Variants in MRPL48 observed in about 807,000 individuals in gnomAD.
The protein encoded by MRPL48 is mitochondrial ribosomal protein L48.
In MRPL48, 16 loss-of-function variants were observed where a neutral mutation model predicts 32.9. That is an observed-to-expected ratio of 0.49 (90% confidence interval 0.33 to 0.74). The LOEUF is 0.74. Among genes scored for constraint, MRPL48 ranks in the 30% least tolerant of loss-of-function variants. The probability of loss-of-function intolerance (pLI) is 0.02; values close to 1 mark genes in which losing one functional copy is unlikely to be tolerated. For synonymous variants in MRPL48, 94 were observed against 89.2 expected, an observed-to-expected ratio of 1.05 and a Z score of -0.31; for missense variants, 206 against 245.3, an observed-to-expected ratio of 0.84 and a Z score of 1.07.
chr11:73,792,775 G>A (rs1425262365), intron 1 of MRPL48, among the ~76,000 whole-genome samples: 1 of 152,162 alleles, frequency 6.6e-6, no homozygotes, highest in Non-Finnish European at 1.5e-5. Flanking sequence ...GGTACATATT[G>A]TTTCACAAAT....
In MRPL48 at chr11:73,836,343, T is replaced by C. The variant is rs575915247; in HGVS notation, c.202-8464T>C. 1.4e-4 allele frequency among the ~76,000 whole-genome samples: 22 copies of C among 152,034 alleles called. No homozygotes were observed. In the South Asian group the frequency reaches 4.6e-3, roughly 32 times the overall value. On this transcript the variant is annotated intron_variant, in intron 4 of 7. Coordinates refer to ENST00000310614, the MANE Select transcript of MRPL48 (RefSeq NM_016055.6). ...CCCAAGTAGATGGGATTACAGTCAC[T>C]CACCACCACATGCCCAGCTAATTTT...
chr11:73,849,035 T>A (rs1948344302), intron 5 of MRPL48, among the ~76,000 whole-genome samples: 1 of 152,178 alleles, frequency 6.6e-6, no homozygotes, highest in Admixed American at 6.5e-5. Context: ...TTGCCCAGGC[T>A]GGTCTCGGAC....
rs532931930 is a variant in MRPL48 at position 73,858,158 on chromosome 11, C to G, written c.372-1749C>G. On this transcript the variant is annotated intron_variant, in intron 5 of 7. Transcript: ENST00000310614. ...TCCATAAGAAGTCTATGATTGTATC[C>G]CCATTTTTTTATGTTGGAAAGTTAT... 7.9e-5 allele frequency among the ~76,000 whole-genome samples: 12 copies of G among 152,150 alleles called. 1 individual carries two copies. In the East Asian group the frequency reaches 2.3e-3, roughly 29 times the overall value.
At chr11:73,862,991 C>G (rs949939948) in intron 6 of MRPL48, among the ~76,000 whole-genome samples, 181 bp from the exon 7 acceptor site, 2 of 152,198 alleles carry the variant, frequency 1.3e-5, no homozygotes, top group African/African-American at 4.8e-5. Context: ...ATCTCAGCAC[C>G]TTGGCAGATG....
intron 3 of MRPL48, among the ~76,000 whole-genome samples, chr11:73,814,206 C>T (rs1200199897): frequency 6.6e-6 from 1 of 151,010 alleles, no homozygotes; most frequent in Non-Finnish European, 1.5e-5. Flanking sequence ...TCCTGGACAA[C>T]ATAGGGAGAC....
chr11:73,850,498 C>T (rs1948369151), intron 5 of MRPL48: 1 of 345,304 alleles, frequency 2.9e-6, no homozygotes, highest in Non-Finnish European at 5.5e-6. Context: ...GAATTTGACA[C>T]CGTTTATTAA....
chr11:73,798,914 C>T (rs533511931), intron 1 of MRPL48, among the ~76,000 whole-genome samples: 22 of 151,312 alleles, frequency 1.5e-4, no homozygotes, highest in African/African-American at 4.4e-4. Flanking sequence ...TCGCTTGAAC[C>T]TGAGAGGCGG....
chr11:73,818,506 A>G (rs1028263336), intron 3 of MRPL48, among the ~76,000 whole-genome samples: 3 of 152,204 alleles, frequency 2.0e-5, no homozygotes, highest in African/African-American at 7.2e-5. Context: ...GCAGGGACAA[A>G]TCATTGCAGA....
intron 3 of MRPL48, among the ~76,000 whole-genome samples, chr11:73,809,273 C>T (rs1670548): frequency 0.086 from 13,082 of 151,928 alleles, 745 homozygotes; most frequent in African/African-American, 0.17. Flanking sequence ...TTTGGGAGGC[C>T]GAGGAGGGCG....
intron 1 of MRPL48, among the ~76,000 whole-genome samples, chr11:73,800,816 T>C (rs1056353752): frequency 8.0e-5 from 11 of 137,486 alleles, no homozygotes; most frequent in African/African-American, 1.5e-4. Flanking sequence ...TTTTCTTTTT[T>C]TTTTTTTTTT....
chr11:73,862,272 AT>A (rs1948596569), intron 6 of MRPL48, among the ~76,000 whole-genome samples: 1 of 152,162 alleles, frequency 6.6e-6, no homozygotes, highest in African/African-American at 2.4e-5. Context: ...AAAATACAAA[AT>A]TAGCCAGGCG....
chr11:73,849,037 G>A lies in MRPL48; in HGVS notation c.371+4061G>A, dbSNP rs1948344344. 3.9e-5 allele frequency among the ~76,000 whole-genome samples: 6 copies of A among 152,150 alleles called. No individual in the cohort carries two copies. The South Asian group carries it at 1.2e-3, about 31-fold the overall frequency. ...GGGGTTTGCCATGTTGCCCAGGCTG[G>A]TCTCGGACTCCTGAAGTCAGGCAAT... On this transcript the variant is annotated intron_variant, in intron 5 of 7. Coordinates refer to ENST00000310614, the MANE Select transcript of MRPL48 (RefSeq NM_016055.6).
At chr11:73,788,662 C>T (rs1249305574) in intron 1 of MRPL48, among the ~76,000 whole-genome samples, 4 of 151,682 alleles carry the variant, frequency 2.6e-5, no homozygotes, top group Non-Finnish European at 4.4e-5. Flanking sequence ...TTAGTAGAGA[C>T]GGGGTTTCAC....
At chr11:73,804,899 C>G in intron 1 of MRPL48, 128 bp from the exon 2 acceptor site, 1 of 726,436 alleles carries the variant, frequency 1.4e-6, no homozygotes, top group Non-Finnish European at 2.2e-6. Flanking sequence ...AGGGTAGCTT[C>G]TTTGTTAGAT....
intron 5 of MRPL48, among the ~76,000 whole-genome samples, chr11:73,854,664 G>T (rs1310558229): frequency 3.9e-5 from 6 of 152,124 alleles, no homozygotes; most frequent in Non-Finnish European, 7.3e-5. Context: ...GTGCTGCATG[G>T]TTGTATACTC....
In MRPL48 at chr11:73,864,473, A is replaced by C. The variant is rs932454298; in HGVS notation, c.*103A>C. On this transcript the variant is annotated 3_prime_UTR_variant, in exon 8 of 8. Transcript: ENST00000310614. ...TCAGGAGACCCAACCCTTAGATTTC[A>C]TAAGTACCCATTCCCATAGCCAGTA... is the stretch of plus-strand genomic sequence containing the variant. 1.3e-5 allele frequency: 15 copies of C among 1,141,598 alleles called. No individual in the cohort carries two copies. Among genetic ancestry groups the C allele is most frequent in the East Asian group, 2.5e-5 (1 of 39,502 alleles). The allele number at this position is 1,141,598 out of a possible 1,614,324, so 70.7% of individuals were successfully genotyped here.
intron 1 of MRPL48, among the ~76,000 whole-genome samples, chr11:73,795,470 CTT>C (rs1407162061): frequency 1.3e-5 from 2 of 151,484 alleles, no homozygotes; most frequent in Non-Finnish European, 2.9e-5. Flanking sequence ...TCTTGTGACT[CTT>C]TTTTAATAAT....
At chr11:73,845,794 G>A (rs1036489026) in intron 5 of MRPL48, among the ~76,000 whole-genome samples, 3 of 151,884 alleles carry the variant, frequency 2.0e-5, no homozygotes, top group Non-Finnish European at 4.4e-5. Flanking sequence ...CAAGCCAGGC[G>A]CGGTAGCTCA....
At chr11:73,824,078 A>T (rs1225742724) in intron 3 of MRPL48, among the ~76,000 whole-genome samples, 2 of 150,276 alleles carry the variant, frequency 1.3e-5, no homozygotes, top group African/African-American at 4.9e-5. Flanking sequence ...CTGGTTTTGA[A>T]CTCCTGACCT....
Sources: allele counts gnomAD v4.1 joint callset (sites outside exome capture counted in the v4.1 genomes callset), GRCh38; gene constraint gnomAD v4.1.1; transcripts MANE v1.5; gene names NCBI Gene and HGNC (gene_info 2026-07-23, HGNC 2026-07-21).